Variants in BTBD9 observed in about 807,000 individuals in gnomAD.
BTBD9 encodes the protein BTB/POZ domain-containing protein 9.
In BTBD9, 49 loss-of-function variants were observed where a neutral mutation model predicts 64.3. The ratio of observed to expected loss-of-function variants is 0.76; its 90% CI spans 0.61 to 0.97. BTBD9 has a LOEUF of 0.97. Among genes scored for constraint, BTBD9 ranks in the 50% least tolerant of loss-of-function variants. BTBD9 has a pLI of 0.00. For missense variants in BTBD9, 598 were observed against 762.1 expected (o/e 0.78, Z 2.53); for synonymous variants, 260 against 274.7 (o/e 0.95, Z 0.53).
chr6:38,394,756 G>A (rs1014877263), intron 6 of BTBD9, among the ~76,000 whole-genome samples: 1 of 152,082 alleles, frequency 6.6e-6, no homozygotes, highest in Admixed American at 6.5e-5. Flanking sequence ...GGACACTCAA[G>A]CAGCCCTCTA....
rs1478114941 is a variant in BTBD9 at position 38,573,285 on chromosome 6, C to T, written c.1154+4315G>A. 2.0e-5 allele frequency among the ~76,000 whole-genome samples: 3 copies of T among 152,132 alleles called. No individual in the cohort carries two copies. In the South Asian group the frequency reaches 6.2e-4, roughly 32 times the overall value. On this transcript the variant is annotated intron_variant, in intron 6 of 10. Transcript: ENST00000481247. Reference sequence around the variant, plus strand: ...TGCAATTGGTAGAAATTGAGTACAACATTTCCAGATGGCAAGTTTTATCAA... The same window carrying T: ...TGCAATTGGTAGAAATTGAGTACAATATTTCCAGATGGCAAGTTTTATCAA...
chr6:38,238,490 T>TTTTTTTTTA (rs1763872055), intron 9 of BTBD9, among the ~76,000 whole-genome samples: 1 of 150,354 alleles, frequency 6.7e-6, no homozygotes, highest in Non-Finnish European at 1.5e-5. Context: ...TTTTTTTTTT[T>TTTTTTTTTA]GAGACGGAGT....
chr6:38,334,206 C>G (rs1169976277), intron 7 of BTBD9, among the ~76,000 whole-genome samples: 2 of 152,148 alleles, frequency 1.3e-5, no homozygotes, highest in Admixed American at 1.3e-4. Context: ...CAAGATATGT[C>G]CTGGCTGCTT....
At chr6:38,246,797 G>A (rs1433852811) in intron 9 of BTBD9, among the ~76,000 whole-genome samples, 1 of 152,150 alleles carries the variant, frequency 6.6e-6, no homozygotes, top group Non-Finnish European at 1.5e-5. Flanking sequence ...CCTCCAACCT[G>A]GTAGGGCAGA....
intron 9 of BTBD9, among the ~76,000 whole-genome samples, chr6:38,252,458 G>A (rs1312858558): frequency 1.3e-5 from 2 of 152,054 alleles, no homozygotes; most frequent in South Asian, 2.1e-4. Flanking sequence ...TTCAAGTTAC[G>A]CCTATAAACA....
intron 7 of BTBD9, among the ~76,000 whole-genome samples, chr6:38,328,528 A>C (rs534016296): frequency 1.8e-4 from 27 of 148,628 alleles, no homozygotes; most frequent in Non-Finnish European, 3.5e-4. Context: ...AGCCTCCAGA[A>C]CTGTGAAAAA....
rs142028970 is a variant in BTBD9 at position 38,213,689 on chromosome 6, A to T, written c.1563-21092T>A. Among the ~76,000 whole-genome samples, 69 of 152,272 alleles carry T rather than the reference A, an allele frequency of 4.5e-4. 1 individual carries two copies. In the East Asian group the frequency reaches 0.011, roughly 24 times the overall value. On this transcript the variant is annotated intron_variant, in intron 9 of 10. Transcript: ENST00000481247. ...ATAAAAAAGTTGAATTAAAAAAAATAAAAAAATCATGGCTGGGCGTGGTGG... is the reference window on the plus strand; with the variant it reads ...ATAAAAAAGTTGAATTAAAAAAAATTAAAAAATCATGGCTGGGCGTGGTGG...
intron 6 of BTBD9, among the ~76,000 whole-genome samples, chr6:38,464,359 T>C (rs1217286632): frequency 1.3e-5 from 2 of 151,482 alleles, no homozygotes; most frequent in African/African-American, 4.8e-5. Context: ...GACATTTGAG[T>C]GTTAAACCAG....
chr6:38,497,977 A>G (rs932334395), intron 6 of BTBD9, among the ~76,000 whole-genome samples: 1 of 152,242 alleles, frequency 6.6e-6, no homozygotes, highest in African/African-American at 2.4e-5. Flanking sequence ...ATGCTGAAAA[A>G]TGGATTTAAG....
At chr6:38,468,368 C>G (rs1470201240) in intron 6 of BTBD9, among the ~76,000 whole-genome samples, 1 of 152,194 alleles carries the variant, frequency 6.6e-6, no homozygotes, top group Non-Finnish European at 1.5e-5. Context: ...TATATTGCAG[C>G]CAAACTGAAG....
chr6:38,466,986 C>A (rs537242460), intron 6 of BTBD9, among the ~76,000 whole-genome samples: 146 of 152,272 alleles, frequency 9.6e-4, no homozygotes, highest in African/African-American at 3.2e-3. Flanking sequence ...TTAACAGCAA[C>A]CAGTCTATGC....
chr6:38,198,867 G>A (rs1762358618), intron 9 of BTBD9, among the ~76,000 whole-genome samples: 1 of 152,172 alleles, frequency 6.6e-6, no homozygotes, highest in Admixed American at 6.5e-5. Context: ...GGAAGAATGA[G>A]GAGGTATGAC....
At chr6:38,298,239 A>G (rs1230799653) in intron 7 of BTBD9, among the ~76,000 whole-genome samples, 1 of 152,104 alleles carries the variant, frequency 6.6e-6, no homozygotes, top group African/African-American at 2.4e-5. Context: ...GGTTATATAT[A>G]CATTAAATTT....
At chr6:38,429,721 G>C (rs977843147) in intron 6 of BTBD9, among the ~76,000 whole-genome samples, 1 of 151,894 alleles carries the variant, frequency 6.6e-6, no homozygotes, top group African/African-American at 2.4e-5. Flanking sequence ...CTAGTGTTAC[G>C]CATTTTTTCT....
chr6:38,622,405 T>C (rs1220994434), intron 1 of BTBD9, among the ~76,000 whole-genome samples: 1 of 152,168 alleles, frequency 6.6e-6, no homozygotes, highest in Non-Finnish European at 1.5e-5. Context: ...ATTCCTAGAT[T>C]TGGGCTTCCC....
chr6:38,544,027 T>TCC (rs1562319784), intron 6 of BTBD9, among the ~76,000 whole-genome samples: 1 of 151,662 alleles, frequency 6.6e-6, no homozygotes, highest in Non-Finnish European at 1.5e-5. Flanking sequence ...AAACAAAAGT[T>TCC]AGTAAATTAT....
chr6:38,408,082 C>A (rs116618178), intron 6 of BTBD9, among the ~76,000 whole-genome samples: 4,134 of 152,264 alleles, frequency 0.027, 112 homozygotes, highest in East Asian at 0.079. Context: ...ACTGGCAAAG[C>A]GTGGTGGCTC....
intron 6 of BTBD9, among the ~76,000 whole-genome samples, chr6:38,346,734 G>A (rs747826507): frequency 1.3e-5 from 2 of 152,074 alleles, no homozygotes; most frequent in Non-Finnish European, 2.9e-5. Flanking sequence ...GAAGGGAAGG[G>A]GTGTATTAAT....
chr6:38,595,691 C>A, intron 2 of BTBD9: 2 of 852,434 alleles, frequency 2.3e-6, no homozygotes, highest in Non-Finnish European at 2.8e-6. Flanking sequence ...CCACCCTCCC[C>A]CAGGACCTAG....
Sources: allele counts gnomAD v4.1 joint callset (sites outside exome capture counted in the v4.1 genomes callset), GRCh38; gene constraint gnomAD v4.1.1; transcripts MANE v1.5; gene names NCBI Gene and HGNC (gene_info 2026-07-23, HGNC 2026-07-21).